The following MAS1 variants were observed in gnomAD, a reference collection of about 807,000 sequenced individuals.
MAS1 encodes proto-oncogene Mas.
For synonymous variants in MAS1, 163 were observed against 164.2 expected (o/e 0.99, Z 0.05); for missense variants, 387 against 409.7 (o/e 0.94, Z 0.48).
chr6:159,904,542 C>T (rs1488885361), intron 2 of MAS1, among the ~76,000 whole-genome samples: 1 of 152,206 alleles, frequency 6.6e-6, no homozygotes, highest in African/African-American at 2.4e-5. Context: ...TCTGCCACAA[C>T]CTGATTTATG....
chr6:159,895,376 G>A (rs2115108224), intron 1 of MAS1, among the ~76,000 whole-genome samples: 1 of 152,324 alleles, frequency 6.6e-6, no homozygotes. Flanking sequence ...TTAATGATCA[G>A]CACAGGATGG....
At chr6:159,896,724 C>T in intron 1 of MAS1, among the ~76,000 whole-genome samples, 1 of 152,168 alleles carries the variant, frequency 6.6e-6, no homozygotes, top group East Asian at 1.9e-4. Context: ...TTGCCTGCTG[C>T]CCAGACAGAG....
At chr6:159,895,823 C>T (rs1021980343) in intron 1 of MAS1, among the ~76,000 whole-genome samples, 4 of 152,186 alleles carry the variant, frequency 2.6e-5, no homozygotes, top group Admixed American at 1.3e-4. Flanking sequence ...TGTTAATACA[C>T]ATTTAAATCT....
chr6:159,911,328 C>CTTTTTTTTTTTTTTTTTTTTTTTTTT lies in MAS1; in HGVS notation c.*3419_*3420insTTTTTTTTTTTTTTTTTTTTTTTTTT, dbSNP rs1008371859. The stretch of plus-strand genomic sequence containing the variant: ...TTCTTTTTTCTTTTCTTTTCTTTTC[C>CTTTTTTTTTTTTTTTTTTTTTTTTTT]TTTTTTTTTTTTTTTTTTTTTTTTG... On this transcript the variant is annotated 3_prime_UTR_variant, in exon 3 of 3. Coordinates refer to ENST00000674077, the MANE Select transcript of MAS1 (RefSeq NM_002377.4). 2.1e-5 allele frequency: 2 copies of CTTTTTTTTTTTTTTTTTTTTTTTTTT among 94,534 alleles called. No homozygotes were observed. Among genetic ancestry groups the CTTTTTTTTTTTTTTTTTTTTTTTTTT allele is most frequent in the African/African-American group, 4.5e-5 (1 of 22,278 alleles). 5.9% of individuals were successfully genotyped at this position (94,534 alleles called of 1,614,324 possible).
In MAS1 at chr6:159,916,782, G is replaced by A. The variant is rs1783032005; in HGVS notation, c.*8849G>A. On this transcript the variant is annotated 3_prime_UTR_variant, in exon 3 of 3. Coordinates refer to ENST00000674077, the MANE Select transcript of MAS1 (RefSeq NM_002377.4). ...TCCAATGAAGCTGCTGTTGAGGGCC[G>A]GATAGCAGCCACTCTTGGCTTTGCG... Among the ~76,000 whole-genome samples, 1 of 152,244 alleles carries A rather than the reference G, an allele frequency of 6.6e-6. No homozygotes were observed. The highest frequency in any genetic ancestry group is 6.5e-5 in the Admixed American group (1 of 15,284).
rs894972147 is a variant in MAS1, at chr6:159,891,116, C to A, written c.-261C>A. ...AACCTGTTGGCCACGTCTGACCCTT[C>A]CTGAGCAAATGACACCAGTGAGTCT... On this transcript the variant is annotated 5_prime_UTR_variant, in exon 1 of 3. Transcript: ENST00000674077. Among the ~76,000 whole-genome samples, 16 of 152,212 alleles carry A rather than the reference C, an allele frequency of 1.1e-4. No homozygotes were observed. Among genetic ancestry groups the A allele is most frequent in the African/African-American group, 3.9e-4 (16 of 41,446 alleles).
chr6:159,911,678 A>T lies in MAS1; in HGVS notation c.*3745A>T, dbSNP rs568252180. 2.1e-4 allele frequency: 32 copies of T among 151,990 alleles called. No homozygotes were observed. Among genetic ancestry groups the T allele is most frequent in the African/African-American group, 7.5e-4 (31 of 41,410 alleles). The allele number at this position is 151,990 out of a possible 1,614,324, so 9.4% of individuals were successfully genotyped here. A position where few individuals can be genotyped will look rare whatever the true frequency, so the allele number is the denominator to read the frequency against. On this transcript the variant is annotated 3_prime_UTR_variant, in exon 3 of 3. Transcript: ENST00000674077. The stretch of plus-strand genomic sequence containing the variant: ...CCTCTGGAAGCTGAGTTCCTGGATA[A>T]CCGTGCCATACCTTTTCTTTCCCAG...
rs1408457404 is a variant in MAS1, at chr6:159,901,792, G to A, written c.-37+2400G>A. Among the ~76,000 whole-genome samples, 9 of 150,676 alleles carry A rather than the reference G, an allele frequency of 6.0e-5. No individual in the cohort carries two copies. The East Asian group carries it at 1.8e-3, about 29-fold the overall frequency. ...TCACCTGAGCCCAGGAGTTCAACCT[G>A]CAATTAGTTACGACCACACAGCTGC... is the stretch of plus-strand genomic sequence containing the variant. On this transcript the variant is annotated intron_variant, in intron 2 of 2. Coordinates refer to ENST00000674077, the MANE Select transcript of MAS1 (RefSeq NM_002377.4).
chr6:159,909,435 T>A lies in MAS1; in HGVS notation c.*1502T>A, dbSNP rs1412282128. On this transcript the variant is annotated 3_prime_UTR_variant, in exon 3 of 3. Transcript: ENST00000674077. Reference sequence around the variant, plus strand: ...AAGAAATGATGTGGGGCAGCTTCGCTGGGGGAGAGGAGTCTGTCCCCTCGA... The same window carrying A: ...AAGAAATGATGTGGGGCAGCTTCGCAGGGGGAGAGGAGTCTGTCCCCTCGA... The A allele has an allele frequency of 6.6e-6, 1 of 152,196 alleles. No individual in the cohort carries two copies. The highest frequency in any genetic ancestry group is 1.5e-5 in the Non-Finnish European group (1 of 68,042). The allele number at this position is 152,196 out of a possible 1,614,324, so 9.4% of individuals were successfully genotyped here. A position where few individuals can be genotyped will look rare whatever the true frequency, so the allele number is the denominator to read the frequency against.
intron 1 of MAS1, among the ~76,000 whole-genome samples, chr6:159,894,746 G>A (rs573239312): frequency 6.6e-6 from 1 of 152,330 alleles, no homozygotes; most frequent in South Asian, 2.1e-4. Context: ...GAAAGGACAT[G>A]CCTGAATTGC....
At chr6:159,898,535 C>CCCTCTTCCTCCTCTCTT (rs1782781500) in intron 1 of MAS1, among the ~76,000 whole-genome samples, 1 of 116,586 alleles carries the variant, frequency 8.6e-6, no homozygotes, top group African/African-American at 3.3e-5. Flanking sequence ...TCCTCCTCCT[C>CCCTCTTCCTCCTCTCTT]CCTCCTCCTC....
chr6:159,889,051 C>G (rs1478540943), upstream of MAS1, among the ~76,000 whole-genome samples: 1 of 152,218 alleles, frequency 6.6e-6, no homozygotes, highest in Non-Finnish European at 1.5e-5. Context: ...GCCACCCACT[C>G]AAGCTGGGGG....
In MAS1 at chr6:159,909,134, C is replaced by T. The variant is rs1274298199; in HGVS notation, c.*1201C>T. The T allele has an allele frequency of 6.6e-6, 1 of 152,186 alleles. No homozygotes were observed. Among genetic ancestry groups the T allele is most frequent in the East Asian group, 1.9e-4 (1 of 5,192 alleles). 9.4% of individuals were successfully genotyped at this position (152,186 alleles called of 1,614,324 possible). A position where few individuals can be genotyped will look rare whatever the true frequency, so the allele number is the denominator to read the frequency against. On this transcript the variant is annotated 3_prime_UTR_variant, in exon 3 of 3. Transcript: ENST00000674077. ...CTCAGCACTCCAGGGGGGGCTCTGC[C>T]TCTTGCCTGCCATGAGTTGCCCTCC...
chr6:159,898,642 C>T (rs1409326714), intron 1 of MAS1, among the ~76,000 whole-genome samples: 3 of 5,018 alleles, frequency 6.0e-4, no homozygotes, highest in East Asian at 7.7e-3. Context: ...TCTTCCTCCT[C>T]CCTCTTCCTC....
chr6:159,891,864 A>C (rs1782702378), intron 1 of MAS1, among the ~76,000 whole-genome samples: 1 of 152,206 alleles, frequency 6.6e-6, no homozygotes, highest in Non-Finnish European at 1.5e-5. Context: ...GCTGGCCTCT[A>C]GCAGAGTGCC....
chr6:159,904,861 G>T (rs1054051047), intron 2 of MAS1, among the ~76,000 whole-genome samples: 2 of 152,158 alleles, frequency 1.3e-5, no homozygotes, highest in Non-Finnish European at 2.9e-5. Flanking sequence ...TTCACTCCTG[G>T]CTGCCTCCTG....
At chr6:159,895,581 A>T (rs1254963149) in intron 1 of MAS1, among the ~76,000 whole-genome samples, 1 of 152,246 alleles carries the variant, frequency 6.6e-6, no homozygotes, top group Non-Finnish European at 1.5e-5. Context: ...AGTATGAAAA[A>T]ACAATCCATC....
At chr6:159,898,873 G>T (rs1487875065) in intron 1 of MAS1, among the ~76,000 whole-genome samples, 1 of 151,846 alleles carries the variant, frequency 6.6e-6, no homozygotes, top group Non-Finnish European at 1.5e-5. Context: ...CTGGATTTCT[G>T]CCTGGCCAGC....
chr6:159,915,842 CCCA>C lies in MAS1; in HGVS notation c.*7912_*7914del, dbSNP rs1267871666. 2.0e-5 allele frequency: 3 copies of C among 152,282 alleles called. No individual in the cohort carries two copies. Among genetic ancestry groups the C allele is most frequent in the Non-Finnish European group, 4.4e-5 (3 of 68,106 alleles). 9.4% of individuals were successfully genotyped at this position (152,282 alleles called of 1,614,324 possible). ...GAACAAGGGCCCAGGACAGTGAGGC[CCCA>C]CCTCAGAACTGCCCTCCTGGAAGGG... On this transcript the variant is annotated 3_prime_UTR_variant, in exon 3 of 3. Transcript: ENST00000674077.
Sources: gnomAD v4.1 joint callset for allele counts (sites outside exome capture counted in the v4.1 genomes callset) on GRCh38, gnomAD v4.1.1 for gene constraint, MANE v1.5 for transcripts, NCBI Gene and HGNC (gene_info 2026-07-23, HGNC 2026-07-21) for gene names.